FBXO45: variants seen among roughly 807,000 people sequenced by gnomAD.
FBXO45 encodes the protein F-box/SPRY domain-containing protein 1.
FBXO45 carries 3 observed loss-of-function variants against 25.5 expected under a neutral mutation model. The observed-to-expected ratio is 0.12, with a 90% CI of 0.05 to 0.30. The LOEUF (loss-of-function observed/expected upper bound fraction) is 0.30. Among genes scored for constraint, FBXO45 ranks in the 10% least tolerant of loss-of-function variants. The pLI is 1.00. For missense variants in FBXO45, 219 were observed against 365.0 expected (o/e 0.60, Z 3.26); for synonymous variants, 155 against 149.8 (o/e 1.03, Z -0.25).
chr3:196,569,518 CT>C lies in FBXO45; in HGVS notation c.318+220del, dbSNP rs376824559. ...TAACCCATCCCACTTCCGTGATCCACTTTTCAAACAACTAGGTAGTTTGCCT... is the reference window on the plus strand; with the variant it reads ...TAACCCATCCCACTTCCGTGATCCACTTTCAAACAACTAGGTAGTTTGCCT... On this transcript the variant is annotated intron_variant, in intron 1 of 2. Coordinates refer to ENST00000311630, the MANE Select transcript of FBXO45 (RefSeq NM_001105573.2). This position sits in a 1 kb window ranked among gnomAD's most constrained non-coding sequence, Gnocchi z 4.1. Among the ~76,000 whole-genome samples, 94 of 152,334 alleles carry C rather than the reference CT, an allele frequency of 6.2e-4. No individual in the cohort carries two copies. The highest frequency in any genetic ancestry group is 2.2e-3 in the African/African-American group (90 of 41,568).
chr3:196,570,767 A>T (rs993026183), intron 1 of FBXO45, among the ~76,000 whole-genome samples: 39 of 139,598 alleles, frequency 2.8e-4, no homozygotes, highest in Admixed American at 1.6e-3. Flanking sequence ...GCTGGAGTGC[A>T]GTGGCGGGAT....
intron 1 of FBXO45, among the ~76,000 whole-genome samples, chr3:196,573,726 C>T (rs12634928): frequency 0.32 from 45,657 of 142,518 alleles, 7,849 homozygotes; most frequent in East Asian, 0.69. Flanking sequence ...TTAATCTGTT[C>T]AGTTGTTTTT....
chr3:196,570,258 T>TC (rs747178495), intron 1 of FBXO45, among the ~76,000 whole-genome samples: 27 of 99,800 alleles, frequency 2.7e-4, no homozygotes, highest in African/African-American at 8.9e-4. Context: ...AACGATAACA[T>TC]CCCCCCCTTT....
intron 2 of FBXO45, among the ~76,000 whole-genome samples, chr3:196,581,663 G>A (rs1736014812): frequency 1.3e-5 from 2 of 151,944 alleles, no homozygotes; most frequent in Non-Finnish European, 2.9e-5. Flanking sequence ...CAACACTTAG[G>A]ACCACTTGGA....
chr3:196,583,226 G>A (rs956768338), intron 2 of FBXO45, among the ~76,000 whole-genome samples: 1 of 152,072 alleles, frequency 6.6e-6, no homozygotes, highest in East Asian at 1.9e-4. Context: ...TCCATTGTAC[G>A]GCCGGGCGCG....
intron 1 of FBXO45, among the ~76,000 whole-genome samples, chr3:196,571,510 G>A (rs963637935): frequency 1.3e-5 from 2 of 152,168 alleles, no homozygotes; most frequent in Admixed American, 1.3e-4. Context: ...ACAGGCATTA[G>A]CCACTGCACC....
At position 196,584,361 on chromosome 3, in the gene FBXO45, T is replaced by A; in HGVS notation, c.*43T>A. On this transcript the variant is annotated 3_prime_UTR_variant, in exon 3 of 3. Transcript: ENST00000311630. This position sits in a 1 kb window ranked among gnomAD's most constrained non-coding sequence, Gnocchi z 4.3. The stretch of plus-strand genomic sequence containing the variant: ...TGACAGACAGAATGGAGGAGAGATC[T>A]GCTTATGGGAAGTAGAACCATGAAG... 2 of 1,529,870 alleles carry A rather than the reference T, an allele frequency of 1.3e-6. No homozygotes were observed. Among genetic ancestry groups the A allele is most frequent in the Non-Finnish European group, 1.8e-6 (2 of 1,135,506 alleles). 94.8% of individuals were successfully genotyped at this position (1,529,870 alleles called of 1,614,324 possible). A position where few individuals can be genotyped will look rare whatever the true frequency, so the allele number is the denominator to read the frequency against.
At position 196,588,249 on chromosome 3, in the gene FBXO45, T is replaced by A. The variant is rs2108731046; in HGVS notation, c.*3931T>A. The A allele has an allele frequency of 6.6e-6, 1 of 151,930 alleles. No homozygotes were observed. Among genetic ancestry groups the A allele is most frequent in the South Asian group, 2.1e-4 (1 of 4,792 alleles). The allele number at this position is 151,930 out of a possible 1,614,324, so 9.4% of individuals were successfully genotyped here. On this transcript the variant is annotated 3_prime_UTR_variant, in exon 3 of 3. Coordinates refer to ENST00000311630, the MANE Select transcript of FBXO45 (RefSeq NM_001105573.2). The surrounding 1 kb of genome is among the most constrained non-coding windows in gnomAD (Gnocchi z 4.2). ...CCGGGCCTAATCTTTGTATTTTTAG[T>A]AGAGGGGGTTTATGCCATGTTGGCC...
At chr3:196,579,179 G>T (rs1235141881) in intron 2 of FBXO45, among the ~76,000 whole-genome samples, 1 of 152,152 alleles carries the variant, frequency 6.6e-6, no homozygotes, top group African/African-American at 2.4e-5. Context: ...ACTTAACAGG[G>T]TGTAATATAC....
In FBXO45 at chr3:196,569,612, C is replaced by T. The variant is rs554326137; in HGVS notation, c.318+310C>T. Among the ~76,000 whole-genome samples, 151 of 152,274 alleles carry T rather than the reference C, an allele frequency of 9.9e-4. No individual in the cohort carries two copies. The highest frequency in any genetic ancestry group is 2.7e-3 in the Admixed American group (41 of 15,284). On this transcript the variant is annotated intron_variant, in intron 1 of 2. Coordinates refer to ENST00000311630, the MANE Select transcript of FBXO45 (RefSeq NM_001105573.2). The surrounding 1 kb of genome is among the most constrained non-coding windows in gnomAD (Gnocchi z 4.1). The stretch of plus-strand genomic sequence containing the variant: ...CACCACTCTTGTACCTTTTAATGCC[C>T]TCATCCTACTTTTCTCCCCGGCCTC...
rs990402222 is a variant in FBXO45, at chr3:196,573,723, G to A, written c.319-3730G>A. On this transcript the variant is annotated intron_variant, in intron 1 of 2. Transcript: ENST00000311630. ...ACAGGAAAGTGGAGTTTATTAATCT[G>A]TTCAGTTGTTTTTTTTTTAAGTTCA... Among the ~76,000 whole-genome samples, 11 of 142,310 alleles carry A rather than the reference G, an allele frequency of 7.7e-5. No homozygotes were observed. The South Asian group carries it at 1.8e-3, about 23-fold the overall frequency. 93.4% of individuals were successfully genotyped at this position (142,310 alleles called of 152,430 possible).
At position 196,586,938 on chromosome 3, in the gene FBXO45, C is replaced by T. The variant is rs903274198; in HGVS notation, c.*2620C>T. The T allele has an allele frequency of 6.6e-6, 1 of 152,152 alleles. No individual in the cohort carries two copies. Among genetic ancestry groups the T allele is most frequent in the African/African-American group, 2.4e-5 (1 of 41,426 alleles). 9.4% of individuals were successfully genotyped at this position (152,152 alleles called of 1,614,324 possible). Reference sequence around the variant, plus strand: ...TCCTTGCTCCCTCCCTTCACTACCTCACAAGGATATTGAGGGTAAAGGAGA... The same window carrying T: ...TCCTTGCTCCCTCCCTTCACTACCTTACAAGGATATTGAGGGTAAAGGAGA... On this transcript the variant is annotated 3_prime_UTR_variant, in exon 3 of 3. Coordinates refer to ENST00000311630, the MANE Select transcript of FBXO45 (RefSeq NM_001105573.2).
rs1241932852 is a variant in FBXO45, at chr3:196,569,569, T to A, written c.318+267T>A. The stretch of plus-strand genomic sequence containing the variant: ...TCACTCATTCAACTTTTGACAGTTT[T>A]CCCCGTTAAAGACAGACCACCACTC... On this transcript the variant is annotated intron_variant, in intron 1 of 2. Coordinates refer to ENST00000311630, the MANE Select transcript of FBXO45 (RefSeq NM_001105573.2). This position sits in a 1 kb window ranked among gnomAD's most constrained non-coding sequence, Gnocchi z 4.1. Among the ~76,000 whole-genome samples, 8 of 152,198 alleles carry A rather than the reference T, an allele frequency of 5.3e-5. No homozygotes were observed. The highest frequency in any genetic ancestry group is 7.4e-5 in the Non-Finnish European group (5 of 68,024).
At chr3:196,583,225 C>T (rs533240562) in intron 2 of FBXO45, among the ~76,000 whole-genome samples, 4 of 152,098 alleles carry the variant, frequency 2.6e-5, no homozygotes, top group East Asian at 1.9e-4. Context: ...TTCCATTGTA[C>T]GGCCGGGCGC....
chr3:196,569,347 C>T lies in FBXO45; in HGVS notation c.318+45C>T, dbSNP rs770016381. ...CACCGCTGCCCCCAGTCCCGCTCCC[C>T]GGCGTCGTTCGCGGTGTTTCTCATC... On this transcript the variant is annotated intron_variant, in intron 1 of 2. Coordinates refer to ENST00000311630, the MANE Select transcript of FBXO45 (RefSeq NM_001105573.2). The surrounding 1 kb of genome is among the most constrained non-coding windows in gnomAD (Gnocchi z 4.1). 14 of 1,428,764 alleles carry T rather than the reference C, an allele frequency of 9.8e-6. No individual in the cohort carries two copies. The highest frequency in any genetic ancestry group is 2.7e-5 in the East Asian group (1 of 37,502). 88.5% of individuals were successfully genotyped at this position (1,428,764 alleles called of 1,614,324 possible).
intron 2 of FBXO45, among the ~76,000 whole-genome samples, chr3:196,582,008 G>T (rs1736019268): frequency 6.6e-6 from 1 of 152,108 alleles, no homozygotes; most frequent in Non-Finnish European, 1.5e-5. Context: ...CAGGGATTTG[G>T]GAAGTTAATT....
intron 2 of FBXO45, among the ~76,000 whole-genome samples, chr3:196,578,128 C>T (rs1735949239): frequency 6.7e-6 from 1 of 149,986 alleles, no homozygotes; most frequent in African/African-American, 2.5e-5. Flanking sequence ...GCAACCTGCA[C>T]CTCCCAGGTT....
rs537987359 is a variant in FBXO45 at position 196,587,665 on chromosome 3, G to A, written c.*3347G>A. Reference sequence around the variant, plus strand: ...GCCTCCCAAGTAGCTGGGATTACAGGTGTATGCCACTATACCCAGCTTTAA... The same window carrying A: ...GCCTCCCAAGTAGCTGGGATTACAGATGTATGCCACTATACCCAGCTTTAA... On this transcript the variant is annotated 3_prime_UTR_variant, in exon 3 of 3. Transcript: ENST00000311630. 44 of 152,208 alleles carry A rather than the reference G, an allele frequency of 2.9e-4. No homozygotes were observed. Among genetic ancestry groups the A allele is most frequent in the African/African-American group, 1.0e-3 (43 of 41,430 alleles). 9.4% of individuals were successfully genotyped at this position (152,208 alleles called of 1,614,324 possible).
At chr3:196,570,293 A>C (rs942321888) in intron 1 of FBXO45, among the ~76,000 whole-genome samples, 2 of 150,154 alleles carry the variant, frequency 1.3e-5, no homozygotes, top group African/African-American at 2.5e-5. Flanking sequence ...GACGGAGTGC[A>C]ATGGCGTGAT....
Sources: allele counts gnomAD v4.1 joint callset (sites outside exome capture counted in the v4.1 genomes callset), GRCh38; gene constraint gnomAD v4.1.1; non-coding constraint Gnocchi (gnomAD v3.1); transcripts MANE v1.5; gene names NCBI Gene and HGNC (gene_info 2026-07-23, HGNC 2026-07-21).